The following LARP1 variants were observed in gnomAD, a reference collection of about 807,000 sequenced individuals.
The protein encoded by LARP1 is La ribonucleoprotein 1, translational regulator.
LARP1 carries 36 observed loss-of-function variants against 122.7 expected under a neutral mutation model. That is an observed-to-expected ratio of 0.29 (90% confidence interval 0.22 to 0.39). LARP1 has a LOEUF of 0.39. Among genes scored for constraint, LARP1 ranks in the 10% least tolerant of loss-of-function variants. The pLI is 1.00. For missense variants in LARP1, 1,040 were observed against 1,403.6 expected, an observed-to-expected ratio of 0.74 and a Z score of 4.14; for synonymous variants, 539 against 528.7, an observed-to-expected ratio of 1.02 and a Z score of -0.27.
chr5:154,733,793 C>A (rs1224490773), intron 1 of LARP1, among the ~76,000 whole-genome samples: 1 of 152,090 alleles, frequency 6.6e-6, no homozygotes, highest in Non-Finnish European at 1.5e-5. Flanking sequence ...GAACTCTTGA[C>A]CTCAGATGAT....
chr5:154,806,141 C>CA (rs938405887), intron 15 of LARP1, 109 bp downstream of exon 15: 200 of 1,152,850 alleles, frequency 1.7e-4, no homozygotes, highest in Non-Finnish European at 2.0e-4. Flanking sequence ...GACTTCAGAG[C>CA]AAAAAAAAGA....
intron 1 of LARP1, among the ~76,000 whole-genome samples, chr5:154,779,633 C>T (rs951356001): frequency 2.0e-5 from 3 of 151,944 alleles, no homozygotes; most frequent in South Asian, 2.1e-4. Context: ...CTAAGCCTCC[C>T]GAGTAACTGG....
chr5:154,698,327 T>C (rs1754565371), intron 1 of LARP1, among the ~76,000 whole-genome samples: 1 of 152,212 alleles, frequency 6.6e-6, no homozygotes. Flanking sequence ...CGGGGCACTG[T>C]GGCTCACGCC....
intron 1 of LARP1, among the ~76,000 whole-genome samples, chr5:154,723,209 G>A (rs1412344899): frequency 6.6e-6 from 1 of 152,212 alleles, no homozygotes; most frequent in Admixed American, 6.5e-5. Flanking sequence ...ATGTGTCACT[G>A]CTGGGATTTG....
At chr5:154,808,875 G>T (rs1759013190) in intron 16 of LARP1, among the ~76,000 whole-genome samples, 1 of 152,054 alleles carries the variant, frequency 6.6e-6, no homozygotes, top group East Asian at 1.9e-4. Context: ...AATCTTGTGG[G>T]TCCTTTATAA....
intron 8 of LARP1, 84 bp downstream of exon 8, chr5:154,795,403 G>T: frequency 7.1e-7 from 1 of 1,408,600 alleles, no homozygotes; most frequent in Non-Finnish European, 9.8e-7. Flanking sequence ...AGAAAGCCCT[G>T]GAAGAGTCAT....
At chr5:154,692,952 A>T (rs1176141296) in intron 1 of LARP1, among the ~76,000 whole-genome samples, 3 of 149,532 alleles carry the variant, frequency 2.0e-5, no homozygotes, top group African/African-American at 7.4e-5. Flanking sequence ...GGGACTACAG[A>T]CACGCACCAC....
At chr5:154,812,546 G>C (rs1322744568) in intron 18 of LARP1, among the ~76,000 whole-genome samples, 4 of 119,910 alleles carry the variant, frequency 3.3e-5, no homozygotes, top group Non-Finnish European at 6.4e-5. Flanking sequence ...TGGAGACAGA[G>C]TCTTGCTCTG....
intron 1 of LARP1, among the ~76,000 whole-genome samples, chr5:154,721,371 A>T (rs867487899): frequency 7.1e-6 from 1 of 140,432 alleles, no homozygotes; most frequent in African/African-American, 2.6e-5. Context: ...AAAAAAAAAA[A>T]GTGTCAGGGA....
rs76096281 is a variant in LARP1 at position 154,808,390 on chromosome 5, G to A, written c.2699-69G>A. ...GAAAGGACCAAGTCTTAAGTTCCAG[G>A]ATCCTTTCTCCCTGAAGCAAGGGCA... On this transcript the variant is annotated intron_variant, in intron 15 of 18. Coordinates refer to ENST00000518297, the MANE Select transcript of LARP1 (RefSeq NM_033551.3). 1,006 of 1,557,520 alleles carry A rather than the reference G, an allele frequency of 6.5e-4. 8 individuals are homozygous for A. In the African/African-American group the frequency reaches 0.012, roughly 19 times the overall value.
chr5:154,807,469 T>C lies in LARP1; in HGVS notation c.2699-990T>C, dbSNP rs539631776. Among the ~76,000 whole-genome samples the C allele has an allele frequency of 7.9e-5, 12 of 152,342 alleles. No individual in the cohort carries two copies. The East Asian group carries it at 1.9e-3, about 24-fold the overall frequency. ...AAATATAAAATTTTCGTTTTATATT[T>C]CTAAAAGCAATATGTGAGTCTTCTG... On this transcript the variant is annotated intron_variant, in intron 15 of 18. Transcript: ENST00000518297.
intron 1 of LARP1, among the ~76,000 whole-genome samples, chr5:154,783,210 C>T (rs1381942147): frequency 2.6e-5 from 4 of 152,178 alleles, no homozygotes; most frequent in African/African-American, 7.2e-5. Context: ...AGCTGGATCC[C>T]CCTGAGCAGC....
rs1756194100 is a variant in LARP1 at position 154,726,031 on chromosome 5, G to GT, written c.205+12903dup. Among the ~76,000 whole-genome samples, 4 of 152,218 alleles carry GT rather than the reference G, an allele frequency of 2.6e-5. No homozygotes were observed. In the East Asian group the frequency reaches 7.7e-4, roughly 29 times the overall value. ...ATTTTTGTATTTTTAGTAGAGACGG[G>GT]TTATCTCCATGTTGCCCAGGCTGGT... is the stretch of plus-strand genomic sequence containing the variant. On this transcript the variant is annotated intron_variant, in intron 1 of 18. Transcript: ENST00000336314.
intron 3 of LARP1, 79 bp downstream of exon 3, chr5:154,790,789 C>A (rs78818793): frequency 0.076 from 92,615 of 1,213,210 alleles, 4,071 homozygotes; most frequent in Admixed American, 0.18. Flanking sequence ...TCCAGAGAGC[C>A]TCAGCTCTTA....
intron 1 of LARP1, among the ~76,000 whole-genome samples, chr5:154,780,176 C>T (rs1307559982): frequency 6.6e-6 from 1 of 152,180 alleles, no homozygotes; most frequent in South Asian, 2.1e-4. Context: ...ACCAAATGTG[C>T]CCAGCCTGCC....
At chr5:154,749,737 AT>A (rs1469254299) in intron 1 of LARP1, among the ~76,000 whole-genome samples, 3 of 152,236 alleles carry the variant, frequency 2.0e-5, no homozygotes, top group Non-Finnish European at 2.9e-5. Flanking sequence ...AAGAGTCTTC[AT>A]ACCCAAGGGG....
At chr5:154,754,682 C>T (rs1212842124), upstream of LARP1, among the ~76,000 whole-genome samples, 2 of 152,262 alleles carry the variant, frequency 1.3e-5, no homozygotes, top group Non-Finnish European at 2.9e-5. Context: ...GCTTTCCAGG[C>T]CCGGAGTTGA....
chr5:154,790,235 TG>T (rs1407762380), intron 1 of LARP1, 89 bp from the exon 2 acceptor site: 3 of 1,041,940 alleles, frequency 2.9e-6, no homozygotes, highest in Non-Finnish European at 2.9e-6. Flanking sequence ...GGTTGCTAGG[TG>T]GAGTGGGGAC....
intron 4 of LARP1, 55 bp downstream of exon 4, chr5:154,792,851 G>A (rs1757449896): frequency 3.8e-6 from 6 of 1,570,360 alleles, no homozygotes; most frequent in Non-Finnish European, 3.5e-6. Flanking sequence ...ACTGTGAAAT[G>A]TCAGGACTCC....
Sources: allele counts gnomAD v4.1 joint callset (sites outside exome capture counted in the v4.1 genomes callset), GRCh38; gene constraint gnomAD v4.1.1; transcripts MANE v1.5; gene names NCBI Gene and HGNC (gene_info 2026-07-23, HGNC 2026-07-21).